The following TRPM3 variants were observed in gnomAD, a reference collection of about 807,000 sequenced individuals.
TRPM3 encodes transient receptor potential cation channel subfamily M member 3.
Under a neutral mutation model 181.2 loss-of-function variants are expected in TRPM3, and 77 were observed. That is an observed-to-expected ratio of 0.42 (90% CI 0.35 to 0.51). The LOEUF is 0.51. Ranked by LOEUF, TRPM3 falls within the 20% of genes least tolerant of loss-of-function variation. The probability of loss-of-function intolerance (pLI) is 0.01; values close to 1 mark genes in which losing one functional copy is unlikely to be tolerated. For missense variants in TRPM3, 1,759 were observed against 2,196.7 expected (o/e 0.80, Z 3.98); for synonymous variants, 745 against 796.4 (o/e 0.94, Z 1.09).
At chr9:70,806,000 T>C (rs890043819) in intron 6 of TRPM3, among the ~76,000 whole-genome samples, 1 of 152,212 alleles carries the variant, frequency 6.6e-6, no homozygotes, top group Non-Finnish European at 1.5e-5. Flanking sequence ...AAAAGCTGAC[T>C]CTTCAATCTT....
At chr9:70,589,052 T>C (rs1162990073) in intron 22 of TRPM3, among the ~76,000 whole-genome samples, 2 of 152,204 alleles carry the variant, frequency 1.3e-5, no homozygotes, top group African/African-American at 4.8e-5. Flanking sequence ...GCTGCATCTA[T>C]CCAAGGCTGG....
At chr9:70,686,192 A>T (rs1311227288) in intron 8 of TRPM3, among the ~76,000 whole-genome samples, 1 of 151,998 alleles carries the variant, frequency 6.6e-6, no homozygotes, top group African/African-American at 2.4e-5. Context: ...GTACATATAC[A>T]TATATACAAA....
intron 1 of TRPM3, among the ~76,000 whole-genome samples, chr9:70,987,361 G>A (rs749399543): frequency 6.6e-6 from 1 of 152,026 alleles, no homozygotes; most frequent in South Asian, 2.1e-4. Flanking sequence ...TGTAATTTTT[G>A]TATTTCCTGC....
Position 70,625,684 on chromosome 9 carries a change from A to C in TRPM3, c.1633-167T>G, listed in dbSNP as rs531399358. Among the ~76,000 whole-genome samples, 1 of 152,270 alleles carries C rather than the reference A, an allele frequency of 6.6e-6. No homozygotes were observed. The highest frequency in any genetic ancestry group is 2.1e-4 in the South Asian group (1 of 4,826). Reference sequence around the variant, plus strand: ...ATGCTATCACTCCCAGGCACTAGGAACTAGGTTTCCCCAGATGCTCCCCAA... The same window carrying C: ...ATGCTATCACTCCCAGGCACTAGGACCTAGGTTTCCCCAGATGCTCCCCAA... On this transcript the variant is annotated intron_variant, in intron 12 of 25. Coordinates refer to ENST00000677713, the MANE Select transcript of TRPM3 (RefSeq NM_001366145.2). This position sits in a 1 kb window ranked among gnomAD's most constrained non-coding sequence, Gnocchi z 4.8.
intron 1 of TRPM3, among the ~76,000 whole-genome samples, chr9:71,076,411 T>A (rs1176784044): frequency 6.6e-6 from 1 of 152,148 alleles, no homozygotes; most frequent in Admixed American, 6.5e-5. Context: ...TTTCCTCTGC[T>A]CTTGGGTTCC....
In TRPM3 at chr9:70,625,138, C is replaced by T; in HGVS notation, c.1809+53G>A. The T allele has an allele frequency of 1.9e-6, 3 of 1,600,022 alleles. No individual in the cohort carries two copies. The highest frequency in any genetic ancestry group is 2.6e-6 in the Non-Finnish European group (3 of 1,170,730). On this transcript the variant is annotated intron_variant, in intron 14 of 25. Transcript: ENST00000677713. This position sits in a 1 kb window ranked among gnomAD's most constrained non-coding sequence, Gnocchi z 4.8. The stretch of plus-strand genomic sequence containing the variant: ...GAGACAAAGAAGCCACAACCCAAAT[C>T]CCATACACCCTAGTCCTCCCAGGAA...
At chr9:70,582,917 C>G (rs1285358643) in intron 22 of TRPM3, among the ~76,000 whole-genome samples, 1 of 152,184 alleles carries the variant, frequency 6.6e-6, no homozygotes. Flanking sequence ...TGGGTTATGT[C>G]TAGGATGCGT....
intron 1 of TRPM3, among the ~76,000 whole-genome samples, chr9:71,060,302 T>C (rs1174541639): frequency 1.3e-5 from 2 of 152,040 alleles, no homozygotes. Context: ...AAAGCTCCTA[T>C]CCAGCTGGAC....
chr9:71,092,034 C>G (rs1425197985), intron 1 of TRPM3, among the ~76,000 whole-genome samples: 1 of 152,096 alleles, frequency 6.6e-6, no homozygotes, highest in East Asian at 1.9e-4. Flanking sequence ...ACAGCCACAT[C>G]GGTTTAGTAG....
intron 1 of TRPM3, among the ~76,000 whole-genome samples, chr9:71,080,400 C>T (rs1809817772): frequency 6.6e-6 from 1 of 152,082 alleles, no homozygotes; most frequent in Admixed American, 6.6e-5. Flanking sequence ...GGGCCAGTTT[C>T]AAGGGTGTGC....
chr9:70,626,676 C>T (rs1272652873), intron 12 of TRPM3, among the ~76,000 whole-genome samples: 1 of 152,168 alleles, frequency 6.6e-6, no homozygotes, highest in Non-Finnish European at 1.5e-5. Flanking sequence ...CTTGTCTACT[C>T]AGTAAGTTTC....
intron 1 of TRPM3, among the ~76,000 whole-genome samples, chr9:70,903,120 A>C (rs763698476): frequency 1.5e-4 from 23 of 152,196 alleles, no homozygotes; most frequent in Non-Finnish European, 2.8e-4. Context: ...AGCACAAAAG[A>C]AAGATGACTC....
intron 1 of TRPM3, among the ~76,000 whole-genome samples, chr9:71,129,524 A>G (rs2074245402): frequency 6.6e-6 from 1 of 152,208 alleles, no homozygotes; most frequent in Non-Finnish European, 1.5e-5. Flanking sequence ...TGTAAAGTCT[A>G]CAGTATTGTT....
At chr9:71,073,959 T>G (rs1447194442) in intron 1 of TRPM3, among the ~76,000 whole-genome samples, 8 of 152,212 alleles carry the variant, frequency 5.3e-5, no homozygotes, top group African/African-American at 1.9e-4. Context: ...AAATTTCAAC[T>G]TTCATTGCTG....
At chr9:71,438,087 G>A (rs896062579) in intron 1 of TRPM3, among the ~76,000 whole-genome samples, 3 of 152,090 alleles carry the variant, frequency 2.0e-5, no homozygotes, top group Non-Finnish European at 4.4e-5. Flanking sequence ...ACAATGGACA[G>A]AGAAACATCT....
intron 14 of TRPM3, among the ~76,000 whole-genome samples, chr9:70,624,440 T>A (rs1298392042): frequency 6.6e-6 from 1 of 152,212 alleles, no homozygotes; most frequent in Non-Finnish European, 1.5e-5. Context: ...GGACCATGGC[T>A]GGCTAGACTA....
At chr9:70,784,321 A>C (rs1243520316) in intron 6 of TRPM3, 42 bp from the exon 7 acceptor site, 1 of 1,528,570 alleles carries the variant, frequency 6.5e-7, no homozygotes. Flanking sequence ...AAGAGAAAAG[A>C]ACACAAAGCC....
At position 70,574,540 on chromosome 9, in the gene TRPM3, C is replaced by T. The variant is rs1247602169; in HGVS notation, c.3223+16491G>A. ...TTCATAGCACTCTGTATTCCTTCAT[C>T]ACATACTTAGCAGAGCTTATGATTA... On this transcript the variant is annotated intron_variant, in intron 22 of 25. Transcript: ENST00000677713. Among the ~76,000 whole-genome samples the T allele has an allele frequency of 2.6e-5, 4 of 152,330 alleles. No individual in the cohort carries two copies. In the East Asian group the frequency reaches 5.8e-4, roughly 22 times the overall value.
intron 22 of TRPM3, among the ~76,000 whole-genome samples, chr9:70,559,228 C>T (rs2048467039): frequency 6.6e-6 from 1 of 152,158 alleles, no homozygotes; most frequent in Admixed American, 6.5e-5. Flanking sequence ...TGGCTGAATG[C>T]CTGCAGACAT....
Sources: allele counts gnomAD v4.1 joint callset (sites outside exome capture counted in the v4.1 genomes callset), GRCh38; gene constraint gnomAD v4.1.1; non-coding constraint Gnocchi (gnomAD v3.1); transcripts MANE v1.5; gene names NCBI Gene and HGNC (gene_info 2026-07-23, HGNC 2026-07-21).